ZSWIM6: variants seen among roughly 807,000 people sequenced by gnomAD.
ZSWIM6 encodes the protein zinc finger SWIM-type containing 6.
ZSWIM6 carries 9 observed loss-of-function variants against 113.2 expected under a neutral mutation model. The observed-to-expected ratio is 0.08, with a 90% CI of 0.05 to 0.14. The LOEUF (loss-of-function observed/expected upper bound fraction) is 0.14, where lower values mean the gene tolerates loss of function less well. Among genes scored for constraint, ZSWIM6 ranks in the 10% least tolerant of loss-of-function variants. The probability of loss-of-function intolerance (pLI) is 1.00; values close to 1 mark genes in which losing one functional copy is unlikely to be tolerated. For synonymous variants in ZSWIM6, 611 were observed against 606.5 expected (o/e 1.01, Z -0.11); for missense variants, 1,162 against 1,552.2 (o/e 0.75, Z 4.22).
intron 4 of ZSWIM6, among the ~76,000 whole-genome samples, chr5:61,494,836 C>T (rs532254353): frequency 2.0e-5 from 3 of 152,024 alleles, no homozygotes; most frequent in Non-Finnish European, 4.4e-5. Context: ...TTATTTTTGG[C>T]TGCTATAGAT....
intron 1 of ZSWIM6, among the ~76,000 whole-genome samples, chr5:61,459,718 G>A (rs927734082): frequency 1.3e-5 from 2 of 151,984 alleles, no homozygotes; most frequent in Non-Finnish European, 2.9e-5. Context: ...CATATGTCAG[G>A]CACTGTTCTA....
At chr5:61,483,214 G>T (rs936278240) in intron 2 of ZSWIM6, among the ~76,000 whole-genome samples, 1 of 152,098 alleles carries the variant, frequency 6.6e-6, no homozygotes, top group African/African-American at 2.4e-5. Flanking sequence ...ATGCTAACAC[G>T]CTAGCTTAGG....
At chr5:61,542,639 AATT>A (rs1488319069) in intron 13 of ZSWIM6, among the ~76,000 whole-genome samples, 1 of 152,176 alleles carries the variant, frequency 6.6e-6, no homozygotes, top group Non-Finnish European at 1.5e-5. Flanking sequence ...TATACTATAA[AATT>A]ATTATTTTTC....
At chr5:61,525,754 A>G (rs1479016084) in intron 5 of ZSWIM6, 46 bp from the exon 6 acceptor site, 9 of 1,546,878 alleles carry the variant, frequency 5.8e-6, no homozygotes, top group African/African-American at 4.1e-5. Flanking sequence ...ATTTATTCAC[A>G]TGTGAATAAT....
At chr5:61,463,033 G>T (rs1264118135) in intron 1 of ZSWIM6, among the ~76,000 whole-genome samples, 1 of 152,002 alleles carries the variant, frequency 6.6e-6, no homozygotes, top group East Asian at 1.9e-4. Flanking sequence ...TAATTGAATT[G>T]CTTCTAATAT....
chr5:61,425,303 A>G (rs1392047333), intron 1 of ZSWIM6, among the ~76,000 whole-genome samples: 2 of 152,254 alleles, frequency 1.3e-5, no homozygotes, highest in Middle Eastern at 3.2e-3. Context: ...GAAATATAGC[A>G]GTGGCACATC....
At chr5:61,461,959 G>A (rs781509484) in intron 1 of ZSWIM6, among the ~76,000 whole-genome samples, 1 of 152,096 alleles carries the variant, frequency 6.6e-6, no homozygotes, top group Non-Finnish European at 1.5e-5. Flanking sequence ...TTTAGCCAAG[G>A]TAAAAATATA....
chr5:61,461,251 C>T (rs1056340792), intron 1 of ZSWIM6, among the ~76,000 whole-genome samples: 4 of 152,168 alleles, frequency 2.6e-5, no homozygotes, highest in African/African-American at 9.7e-5. Flanking sequence ...AAGTCTTATG[C>T]TATATAAGTG....
At chr5:61,333,002 G>T (rs142401951) in intron 1 of ZSWIM6, 54 bp downstream of exon 1, 14 of 1,008,904 alleles carry the variant, frequency 1.4e-5, no homozygotes, top group South Asian at 9.3e-5. Context: ...CCCTGGGTGG[G>T]GGGGGGGTGC....
At position 61,535,540 on chromosome 5, in the gene ZSWIM6, A is replaced by C. The variant is rs1358715935; in HGVS notation, c.2302A>C (p.Thr768Pro). 2 of 1,551,308 alleles carry C rather than the reference A, an allele frequency of 1.3e-6. No homozygotes were observed. Among genetic ancestry groups the C allele is most frequent in the African/African-American group, 2.7e-5 (2 of 73,026 alleles). Residue 768 changes from threonine to proline, a missense_variant, in exon 10 of 14, where the codon ACA (threonine) becomes CCA (proline). Thr to Pro is a conservative substitution (Grantham distance 38). Around this residue, in one of 4 missense-constraint regions of ZSWIM6, gnomAD observed 620 missense variants for 804.6 expected, o/e 0.77. Coordinates refer to ENST00000252744, the MANE Select transcript of ZSWIM6 (RefSeq NM_020928.2). ...CCATCGGGAGAGCGTTCCAATGCAC[A>C]CATTTGCCAAGTATCTCTTCACCTC... ...IIHRESVPMHTFAKYLFTSLL... is the reference protein window; with the variant it reads ...IIHRESVPMHPFAKYLFTSLL...
intron 1 of ZSWIM6, among the ~76,000 whole-genome samples, chr5:61,372,688 A>G (rs1745290097): frequency 6.6e-6 from 1 of 152,136 alleles, no homozygotes. Context: ...CCTGTAGTCC[A>G]CCTATTCATA....
At chr5:61,404,092 C>T (rs964256682) in intron 1 of ZSWIM6, among the ~76,000 whole-genome samples, 1 of 151,880 alleles carries the variant, frequency 6.6e-6, no homozygotes, top group Non-Finnish European at 1.5e-5. Flanking sequence ...ACTGCAAGCT[C>T]CGCCTCCCGG....
At chr5:61,372,851 T>C (rs924235217) in intron 1 of ZSWIM6, among the ~76,000 whole-genome samples, 3 of 152,230 alleles carry the variant, frequency 2.0e-5, no homozygotes, top group African/African-American at 7.2e-5. Context: ...CAGCGTCTTA[T>C]CATTTTTACC....
chr5:61,425,708 G>A (rs1463652128), intron 1 of ZSWIM6, among the ~76,000 whole-genome samples: 1 of 151,790 alleles, frequency 6.6e-6, no homozygotes, highest in East Asian at 1.9e-4. Flanking sequence ...AGAAGAGGAG[G>A]GTTCATCAGA....
At chr5:61,474,928 G>T (rs1042127053) in intron 2 of ZSWIM6, among the ~76,000 whole-genome samples, 1 of 152,176 alleles carries the variant, frequency 6.6e-6, no homozygotes, top group Non-Finnish European at 1.5e-5. Context: ...TAAAGCGTTT[G>T]ACTTGGTAGA....
intron 7 of ZSWIM6, among the ~76,000 whole-genome samples, chr5:61,529,541 G>C (rs2112274103): frequency 6.6e-6 from 1 of 152,288 alleles, no homozygotes; most frequent in South Asian, 2.1e-4. Flanking sequence ...AGCTACAGCT[G>C]CCTTCAAGTC....
chr5:61,382,192 C>T (rs1215949871), intron 1 of ZSWIM6, among the ~76,000 whole-genome samples: 2 of 152,204 alleles, frequency 1.3e-5, no homozygotes, highest in Non-Finnish European at 2.9e-5. Context: ...ACATAGCTGT[C>T]AGTCATTTGG....
intron 2 of ZSWIM6, among the ~76,000 whole-genome samples, chr5:61,482,240 C>A (rs1171978819): frequency 1.3e-5 from 2 of 151,950 alleles, no homozygotes; most frequent in Admixed American, 6.6e-5. Context: ...ATAGTTAAAA[C>A]TATAAGAATA....
At chr5:61,383,561 A>C (rs928616066) in intron 1 of ZSWIM6, among the ~76,000 whole-genome samples, 1 of 151,590 alleles carries the variant, frequency 6.6e-6, no homozygotes, top group African/African-American at 2.4e-5. Flanking sequence ...TTTGAGACGG[A>C]ATCTCGCTCT....
Sources: gnomAD v4.1 joint callset for allele counts (sites outside exome capture counted in the v4.1 genomes callset) on GRCh38, gnomAD v4.1.1 for gene constraint, gnomAD v4.1.1 regional missense constraint, MANE v1.5 for transcripts, NCBI Gene and HGNC (gene_info 2026-07-23, HGNC 2026-07-21) for gene names.